Variants in CRISPLD2 observed in about 807,000 individuals in gnomAD.
The protein encoded by CRISPLD2 is cysteine rich secretory protein LCCL domain containing 2, also known as cysteine-rich secretory protein LCCL domain-containing 2.
In CRISPLD2, 47 loss-of-function variants were observed where a neutral mutation model predicts 71.1. The observed-to-expected ratio is 0.66, with a 90% CI of 0.52 to 0.84. CRISPLD2 has a LOEUF of 0.84. CRISPLD2 is among the 40% of genes least tolerant of loss of function. CRISPLD2 has a pLI of 0.00. For missense variants in CRISPLD2, 830 were observed against 651.1 expected (o/e 1.27, Z -2.99); for synonymous variants, 317 against 250.1 (o/e 1.27, Z -2.52).
intron 1 of CRISPLD2, 131 bp from the exon 2 acceptor site, chr16:84,838,291 G>A (rs1162240281): frequency 4.8e-5 from 30 of 621,198 alleles, no homozygotes; most frequent in Admixed American, 8.8e-5. Flanking sequence ...TGCTTGTTTA[G>A]CTTCTGTGGG....
chr16:84,841,016 C>T (rs138592599), intron 2 of CRISPLD2, among the ~76,000 whole-genome samples: 31 of 152,344 alleles, frequency 2.0e-4, no homozygotes, highest in African/African-American at 5.8e-4. Context: ...CCCGTCCACA[C>T]GGCACCTCCG....
rs75619671 is a variant in CRISPLD2, at chr16:84,848,350, T to C, written c.360-1035T>C. 3.5e-4 allele frequency among the ~76,000 whole-genome samples: 53 copies of C among 152,226 alleles called. No homozygotes were observed. In the East Asian group the frequency reaches 0.01, roughly 29 times the overall value. On this transcript the variant is annotated intron_variant, in intron 3 of 14. Coordinates refer to ENST00000262424, the MANE Select transcript of CRISPLD2 (RefSeq NM_031476.4). Reference sequence around the variant, plus strand: ...TCGACGACCACATGGCCCTTAAAAATGGTCATTTCCCCCGTGAGCATTTTC... The same window carrying C: ...TCGACGACCACATGGCCCTTAAAAACGGTCATTTCCCCCGTGAGCATTTTC...
At chr16:84,855,045 C>G (rs55957905) in intron 6 of CRISPLD2, among the ~76,000 whole-genome samples, 1 of 152,102 alleles carries the variant, frequency 6.6e-6, no homozygotes, top group Non-Finnish European at 1.5e-5. Context: ...CCCACTGCCC[C>G]GAGACATGGC....
rs1917475885 is a variant in CRISPLD2 at position 84,864,273 on chromosome 16, G to T, written c.710-2624G>T. Reference sequence around the variant, plus strand: ...TACTCGGATCCAGCCCATCCTGCGGGTAAAGCCTTCTACTTTTCATTTGTG... The same window carrying T: ...TACTCGGATCCAGCCCATCCTGCGGTTAAAGCCTTCTACTTTTCATTTGTG... On this transcript the variant is annotated intron_variant, in intron 6 of 14. Coordinates refer to ENST00000262424, the MANE Select transcript of CRISPLD2 (RefSeq NM_031476.4). 2.0e-5 allele frequency among the ~76,000 whole-genome samples: 3 copies of T among 152,186 alleles called. No individual in the cohort carries two copies. In the South Asian group the frequency reaches 6.2e-4, roughly 31 times the overall value.
At chr16:84,877,807 G>T (rs905020689) in intron 12 of CRISPLD2, among the ~76,000 whole-genome samples, 2 of 151,878 alleles carry the variant, frequency 1.3e-5, no homozygotes, top group African/African-American at 4.8e-5. Context: ...CTGAGATCAC[G>T]CCATTGTCCT....
At chr16:84,862,680 T>TTTC (rs1917417968) in intron 6 of CRISPLD2, among the ~76,000 whole-genome samples, 1 of 149,306 alleles carries the variant, frequency 6.7e-6, no homozygotes, top group African/African-American at 2.5e-5. Flanking sequence ...GGCTTTTTTT[T>TTTC]TTTTTTTTTT....
Position 84,889,330 on chromosome 16 carries a change from T to C in CRISPLD2, c.1406T>C (p.Val469Ala). ...CCCGTGGATAAAAAGAAGACCTACG[T>C]GGGCTCGCTCAGGAATGGAGTTCAG... ...VMPVDKKKTYVGSLRNGVQSE... is the reference protein window; with the variant it reads ...VMPVDKKKTYAGSLRNGVQSE... Residue 469 changes from valine (V) to alanine (A), a missense_variant, in exon 14 of 15, where the codon GTG (valine) becomes GCG (alanine). By Grantham distance (64) the Val-to-Ala change is moderately conservative. Transcript: ENST00000262424. The C allele has an allele frequency of 6.2e-7, 1 of 1,613,966 alleles. No individual in the cohort carries two copies. Among genetic ancestry groups the C allele is most frequent in the Non-Finnish European group, 8.5e-7 (1 of 1,179,896 alleles).
chr16:84,885,532 T>C (rs1337786318), intron 13 of CRISPLD2, among the ~76,000 whole-genome samples: 1 of 152,220 alleles, frequency 6.6e-6, no homozygotes, highest in Non-Finnish European at 1.5e-5. Flanking sequence ...CACGGCCTTC[T>C]GCCTGCAACT....
chr16:84,904,665 C>A (rs1301680886), intron 14 of CRISPLD2, among the ~76,000 whole-genome samples: 2 of 151,974 alleles, frequency 1.3e-5, no homozygotes, highest in Non-Finnish European at 2.9e-5. Flanking sequence ...CATCACACTT[C>A]CAGTCAATTG....
At chr16:84,847,439 C>T (rs986364099) in intron 3 of CRISPLD2, among the ~76,000 whole-genome samples, 5 of 152,138 alleles carry the variant, frequency 3.3e-5, no homozygotes, top group Admixed American at 6.5e-5. Flanking sequence ...AATACAAGGT[C>T]AGGAGTTCAA....
At chr16:84,864,000 A>C (rs1229089676) in intron 6 of CRISPLD2, among the ~76,000 whole-genome samples, 1 of 149,974 alleles carries the variant, frequency 6.7e-6, no homozygotes, top group Non-Finnish European at 1.5e-5. Flanking sequence ...GAGAAAAAAA[A>C]AGAAAAGAAA....
At chr16:84,855,723 TACA>T (rs1332074878) in intron 6 of CRISPLD2, among the ~76,000 whole-genome samples, 1 of 152,166 alleles carries the variant, frequency 6.6e-6, no homozygotes, top group Admixed American at 6.5e-5. Context: ...CTTGAACCCA[TACA>T]CATCTCCTGA....
chr16:84,906,817 C>A lies in CRISPLD2; in HGVS notation c.*175C>A. The A allele has an allele frequency of 1.3e-6, 1 of 758,456 alleles. No individual in the cohort carries two copies. The highest frequency in any genetic ancestry group is 2.3e-6 in the Non-Finnish European group (1 of 438,054). 47.0% of individuals were successfully genotyped at this position (758,456 alleles called of 1,614,324 possible). A position where few individuals can be genotyped will look rare whatever the true frequency, so the allele number is the denominator to read the frequency against. ...GTGACATCTCATCCCCTCACTGAAG[C>A]AACAGCATCCCAAGGTGCTCAGCCG... On this transcript the variant is annotated 3_prime_UTR_variant, in exon 15 of 15. Coordinates refer to ENST00000262424, the MANE Select transcript of CRISPLD2 (RefSeq NM_031476.4).
intron 1 of CRISPLD2, among the ~76,000 whole-genome samples, chr16:84,835,247 C>T (rs1021288074): frequency 5.3e-5 from 8 of 152,074 alleles, no homozygotes; most frequent in African/African-American, 1.4e-4. Context: ...GGCGCCACCA[C>T]GCCCAACTGA....
intron 7 of CRISPLD2, among the ~76,000 whole-genome samples, 178 bp from the exon 8 acceptor site, chr16:84,868,673 C>T (rs1317021310): frequency 2.0e-5 from 3 of 152,254 alleles, no homozygotes; most frequent in East Asian, 1.9e-4. Flanking sequence ...TACTGTAAAG[C>T]GGTGGGCCTG....
At position 84,909,350 on chromosome 16, in the gene CRISPLD2, G is replaced by T. The variant is rs1033832547; in HGVS notation, c.*2708G>T. The T allele has an allele frequency of 2.0e-5, 3 of 152,638 alleles. No homozygotes were observed. Among genetic ancestry groups the T allele is most frequent in the South Asian group, 4.1e-4 (2 of 4,834 alleles). The allele number at this position is 152,638 out of a possible 1,614,324, so 9.5% of individuals were successfully genotyped here. A position where few individuals can be genotyped will look rare whatever the true frequency, so the allele number is the denominator to read the frequency against. On this transcript the variant is annotated 3_prime_UTR_variant, in exon 15 of 15. Coordinates refer to ENST00000262424, the MANE Select transcript of CRISPLD2 (RefSeq NM_031476.4). ...AATGATGTATTTTGCTACTTCCTGT[G>T]TACAAAGTTTTATTGTAAATGTTTT...
Position 84,907,075 on chromosome 16 carries a change from G to A in CRISPLD2, c.*433G>A, listed in dbSNP as rs542309945. 8.4e-5 allele frequency: 17 copies of A among 201,694 alleles called. No individual in the cohort carries two copies. Among genetic ancestry groups the A allele is most frequent in the African/African-American group, 3.6e-4 (15 of 42,180 alleles). 12.5% of individuals were successfully genotyped at this position (201,694 alleles called of 1,614,324 possible). On this transcript the variant is annotated 3_prime_UTR_variant, in exon 15 of 15. Transcript: ENST00000262424. The stretch of plus-strand genomic sequence containing the variant: ...GTCGGAAGAGGCCTTTTGAGCAAGC[G>A]CCAATGAGTTTCAGGAATGAAGTAG...
At chr16:84,897,834 C>G (rs1422868139) in intron 14 of CRISPLD2, among the ~76,000 whole-genome samples, 1 of 152,240 alleles carries the variant, frequency 6.6e-6, no homozygotes, top group East Asian at 1.9e-4. Context: ...CCAGGCTGGT[C>G]TCGAACCCCT....
At chr16:84,903,131 G>C (rs955230508) in intron 14 of CRISPLD2, among the ~76,000 whole-genome samples, 1 of 152,082 alleles carries the variant, frequency 6.6e-6, no homozygotes, top group African/African-American at 2.4e-5. Context: ...ACTCCGATCT[G>C]ATTTGGTTTG....
Sources: gnomAD v4.1 joint callset for allele counts (sites outside exome capture counted in the v4.1 genomes callset) on GRCh38, gnomAD v4.1.1 for gene constraint, MANE v1.5 for transcripts, NCBI Gene and HGNC (gene_info 2026-07-23, HGNC 2026-07-21) for gene names.